Variants in KALRN observed in about 807,000 individuals in gnomAD.
KALRN encodes kalirin RhoGEF kinase, also known as kalirin.
A neutral mutation model predicts 353.7 loss-of-function variants in KALRN; 70 were observed. The ratio of observed to expected loss-of-function variants is 0.20; its 90% CI spans 0.16 to 0.24. The LOEUF (loss-of-function observed/expected upper bound fraction) is 0.24, where lower values mean the gene tolerates loss of function less well. Among genes scored for constraint, KALRN ranks in the 10% least tolerant of loss-of-function variants. The pLI, the probability that KALRN is intolerant of heterozygous loss-of-function variation, is 1.00. For synonymous variants in KALRN, 1,391 were observed against 1,434.8 expected (o/e 0.97, Z 0.69); for missense variants, 2,791 against 3,756.7 (o/e 0.74, Z 6.72).
chr3:124,423,441 A>T (rs2092874532), intron 15 of KALRN, among the ~76,000 whole-genome samples: 1 of 152,266 alleles, frequency 6.6e-6, no homozygotes, highest in South Asian at 2.1e-4. Context: ...TATGATTATT[A>T]TAGGAAAGTT....
Position 124,234,872 on chromosome 3 carries a change from T to C in KALRN, c.192T>C (p.Ala64=), listed in dbSNP as rs1257674962. ...KRGGPILTFP[A]RSNHDRIRQE... ...GCGGACCCATCCTGACCTTCCCTGC[T>C]CGCAGCAATCATGACAGAATAAGAC... Residue 64 remains alanine, a synonymous_variant, in exon 3 of 60, where the codon GCT becomes GCC. Coordinates refer to ENST00000682506, the MANE Select transcript of KALRN (RefSeq NM_001388419.1). 1.2e-6 allele frequency: 2 copies of C among 1,609,360 alleles called. No individual in the cohort carries two copies. Among genetic ancestry groups the C allele is most frequent in the Non-Finnish European group, 1.7e-6 (2 of 1,177,640 alleles).
chr3:124,097,948 A>G (rs1353721405), intron 1 of KALRN, among the ~76,000 whole-genome samples: 2 of 152,176 alleles, frequency 1.3e-5, no homozygotes, highest in Non-Finnish European at 2.9e-5. Context: ...GATGGTTGCT[A>G]TGGTGGGGAC....
At chr3:124,674,084 G>T (rs1015250416) in intron 48 of KALRN, among the ~76,000 whole-genome samples, 1 of 152,174 alleles carries the variant, frequency 6.6e-6, no homozygotes. Flanking sequence ...CAGGAAGGTT[G>T]TATGCTGGGA....
intron 1 of KALRN, among the ~76,000 whole-genome samples, chr3:124,219,072 A>T (rs888264162): frequency 6.6e-6 from 1 of 152,202 alleles, no homozygotes; most frequent in Non-Finnish European, 1.5e-5. Context: ...GGAGGAAGAG[A>T]CATGGCAGTT....
At chr3:124,486,926 G>A (rs1028842600) in intron 28 of KALRN, among the ~76,000 whole-genome samples, 5 of 152,150 alleles carry the variant, frequency 3.3e-5, no homozygotes, top group African/African-American at 1.2e-4. Flanking sequence ...ACCATAAGAA[G>A]CCCTAGACAG....
chr3:124,241,623 A>T (rs762213695), intron 3 of KALRN, among the ~76,000 whole-genome samples: 2 of 152,244 alleles, frequency 1.3e-5, no homozygotes, highest in Non-Finnish European at 2.9e-5. Flanking sequence ...AAGTCCTTAC[A>T]TAGTGCCAGG....
intron 57 of KALRN, among the ~76,000 whole-genome samples, chr3:124,704,829 C>T (rs1261330465): frequency 5.9e-5 from 9 of 152,132 alleles, no homozygotes; most frequent in Non-Finnish European, 1.2e-4. Flanking sequence ...GGATTACAGG[C>T]GTGAGCCACC....
At chr3:124,269,824 G>A (rs1580296905) in intron 5 of KALRN, among the ~76,000 whole-genome samples, 1 of 152,228 alleles carries the variant, frequency 6.6e-6, no homozygotes, top group African/African-American at 2.4e-5. Flanking sequence ...GGAAACGGAT[G>A]TTCTTTGATC....
chr3:124,613,621 C>G (rs1392579494), intron 34 of KALRN, among the ~76,000 whole-genome samples: 1 of 152,216 alleles, frequency 6.6e-6, no homozygotes, highest in Non-Finnish European at 1.5e-5. Context: ...CTACCCAGCT[C>G]TTGAGTTGAA....
chr3:124,464,239 G>A (rs2060118408), intron 25 of KALRN, among the ~76,000 whole-genome samples: 1 of 152,130 alleles, frequency 6.6e-6, no homozygotes, highest in South Asian at 2.1e-4. Context: ...CTTTCCCCAT[G>A]TTCTTAGCCA....
At chr3:124,437,749 G>A (rs1576930683) in intron 17 of KALRN, among the ~76,000 whole-genome samples, 1 of 146,954 alleles carries the variant, frequency 6.8e-6, no homozygotes. Flanking sequence ...CTCAGAGAAG[G>A]CCAAAGATAG....
chr3:124,089,249 G>A (rs944833208), intron 1 of KALRN, among the ~76,000 whole-genome samples: 2 of 152,194 alleles, frequency 1.3e-5, no homozygotes, highest in Admixed American at 6.5e-5. Context: ...GCTGAGGGGG[G>A]CTATCTGGAA....
chr3:124,466,716 A>G (rs1487514135), intron 25 of KALRN, among the ~76,000 whole-genome samples: 1 of 152,154 alleles, frequency 6.6e-6, no homozygotes, highest in Non-Finnish European at 1.5e-5. Flanking sequence ...ATCCCAGAGG[A>G]GTCGTTACTT....
Position 124,660,989 on chromosome 3 carries a change from G to T in KALRN, c.6267+16G>T. ...AGATATTGAGGTGAGTTTTCTGCTT[G>T]TAATGCTTGCTGTTCTTAGGGACCA... On this transcript the variant is annotated intron_variant, in intron 44 of 59. Transcript: ENST00000682506. 6.3e-7 allele frequency: 1 copy of T among 1,578,382 alleles called. No individual in the cohort carries two copies. The highest frequency in any genetic ancestry group is 8.7e-7 in the Non-Finnish European group (1 of 1,147,942).
At chr3:124,332,959 T>A (rs1308309539) in intron 8 of KALRN, among the ~76,000 whole-genome samples, 1 of 151,970 alleles carries the variant, frequency 6.6e-6, no homozygotes, top group Non-Finnish European at 1.5e-5. Flanking sequence ...ACTGGGTAAT[T>A]TATAAAAAAA....
chr3:124,679,009 C>A (rs940879189), intron 50 of KALRN, among the ~76,000 whole-genome samples: 6 of 152,108 alleles, frequency 3.9e-5, no homozygotes, highest in Admixed American at 6.5e-5. Context: ...GGAAACTAGA[C>A]ACTGATTATT....
At chr3:124,359,048 G>A (rs1430026201) in intron 10 of KALRN, among the ~76,000 whole-genome samples, 1 of 152,172 alleles carries the variant, frequency 6.6e-6, no homozygotes, top group African/African-American at 2.4e-5. Flanking sequence ...TAGCACTGTG[G>A]CTGTAGGACC....
At chr3:124,641,315 A>G (rs3755685) in intron 37 of KALRN, among the ~76,000 whole-genome samples, 7,066 of 152,256 alleles carry the variant, frequency 0.046, 288 homozygotes, top group East Asian at 0.21. Flanking sequence ...TTTATTAAGA[A>G]AGATGCTCAC....
At chr3:124,521,654 A>T (rs1403967973) in intron 33 of KALRN, among the ~76,000 whole-genome samples, 1 of 152,206 alleles carries the variant, frequency 6.6e-6, no homozygotes, top group South Asian at 2.1e-4. Context: ...TTTTGAAATG[A>T]TAATTAAAGA....
Sources: allele counts gnomAD v4.1 joint callset (sites outside exome capture counted in the v4.1 genomes callset), GRCh38; gene constraint gnomAD v4.1.1; transcripts MANE v1.5; gene names NCBI Gene and HGNC (gene_info 2026-07-23, HGNC 2026-07-21).